Variants in SCLT1 observed in about 807,000 individuals in gnomAD.
SCLT1 encodes sodium channel-associated protein 1.
Under a neutral mutation model 112.8 loss-of-function variants are expected in SCLT1, and 78 were observed. The ratio of observed to expected loss-of-function variants is 0.69; its 90% CI spans 0.58 to 0.83. The LOEUF (loss-of-function observed/expected upper bound fraction) is 0.83. SCLT1 is among the 40% of genes least tolerant of loss of function. The pLI is 0.00. For synonymous variants in SCLT1, 257 were observed against 254.7 expected (o/e 1.01, Z -0.09); for missense variants, 747 against 770.4 (o/e 0.97, Z 0.36).
At chr4:128,887,772 T>C (rs1160780950) in intron 20 of SCLT1, among the ~76,000 whole-genome samples, 1 of 152,198 alleles carries the variant, frequency 6.6e-6, no homozygotes, top group Non-Finnish European at 1.5e-5. Context: ...TCTACTCTAT[T>C]TCCCACTGGA....
Position 129,006,469 on chromosome 4 carries a change from C to T in SCLT1, c.291-2593G>A, listed in dbSNP as rs555812080. Among the ~76,000 whole-genome samples the T allele has an allele frequency of 6.1e-5, 9 of 147,574 alleles. No homozygotes were observed. The Admixed American group carries it at 6.2e-4, about 10-fold the overall frequency. On this transcript the variant is annotated intron_variant, in intron 5 of 20. Transcript: ENST00000281142. ...AGAAGAATTGCTTGAACCCAGGAGG[C>T]GGAGGTTGCAGTGAGTCAAGATCAA... is the stretch of plus-strand genomic sequence containing the variant.
intron 5 of SCLT1, among the ~76,000 whole-genome samples, chr4:129,006,007 G>T (rs1207239336): frequency 8.2e-6 from 1 of 122,574 alleles, no homozygotes; most frequent in Non-Finnish European, 1.7e-5. Context: ...CACACTCTGG[G>T]GACTGTTGTG....
At chr4:128,915,864 C>T (rs1263667618) in intron 18 of SCLT1, among the ~76,000 whole-genome samples, 1 of 152,150 alleles carries the variant, frequency 6.6e-6, no homozygotes, top group African/African-American at 2.4e-5. Flanking sequence ...TGTTTTAAAA[C>T]ATGTAATGAA....
At chr4:129,011,393 C>T (rs1744507138) in intron 5 of SCLT1, among the ~76,000 whole-genome samples, 1 of 151,862 alleles carries the variant, frequency 6.6e-6, no homozygotes, top group South Asian at 2.1e-4. Context: ...TTTGTTGTAT[C>T]TTTGTTAGGT....
chr4:129,014,485 TTC>T (rs887014718), intron 5 of SCLT1, among the ~76,000 whole-genome samples: 1 of 152,200 alleles, frequency 6.6e-6, no homozygotes, highest in African/African-American at 2.4e-5. Context: ...GAGGCTTTTG[TTC>T]TCTTTTATCC....
chr4:128,929,884 A>C lies in SCLT1; in HGVS notation c.1829+6771T>G, dbSNP rs138643507. ...CAAAATACCATAAACTGGATGGTTA[A>C]AAAGAGAAATCTATTTCTCACTGTT... On this transcript the variant is annotated intron_variant, in intron 18 of 20. Coordinates refer to ENST00000281142, the MANE Select transcript of SCLT1 (RefSeq NM_144643.4). 1.2e-4 allele frequency among the ~76,000 whole-genome samples: 18 copies of C among 152,346 alleles called. No individual in the cohort carries two copies. In the East Asian group the frequency reaches 3.3e-3, roughly 28 times the overall value.
At chr4:128,968,802 G>C (rs189701319) in intron 10 of SCLT1, among the ~76,000 whole-genome samples, 172 of 152,306 alleles carry the variant, frequency 1.1e-3, no homozygotes, top group African/African-American at 3.8e-3. Flanking sequence ...GCTGATATCT[G>C]TAATTAGTTC....
intron 5 of SCLT1, among the ~76,000 whole-genome samples, chr4:129,027,209 G>C (rs1381010180): frequency 6.6e-6 from 1 of 152,152 alleles, no homozygotes; most frequent in Non-Finnish European, 1.5e-5. Context: ...TATGAGGCCA[G>C]CATCATCCTG....
At chr4:128,887,876 A>C (rs1158029332) in intron 20 of SCLT1, among the ~76,000 whole-genome samples, 1 of 152,206 alleles carries the variant, frequency 6.6e-6, no homozygotes, top group African/African-American at 2.4e-5. Context: ...TTCCACTGAT[A>C]AGTAAAATAA....
chr4:129,012,742 T>C (rs374876042), intron 5 of SCLT1, among the ~76,000 whole-genome samples: 5 of 152,266 alleles, frequency 3.3e-5, no homozygotes, highest in African/African-American at 1.2e-4. Context: ...TTAGATCTTC[T>C]TGTTGAATTG....
intron 5 of SCLT1, among the ~76,000 whole-genome samples, chr4:129,028,618 C>G (rs1177852084): frequency 1.3e-5 from 2 of 152,126 alleles, no homozygotes; most frequent in African/African-American, 4.8e-5. Context: ...TAGGTATGGG[C>G]AAGGACTTCA....
intron 18 of SCLT1, among the ~76,000 whole-genome samples, chr4:128,911,245 A>G (rs1735074675): frequency 6.6e-6 from 1 of 152,198 alleles, no homozygotes; most frequent in South Asian, 2.1e-4. Flanking sequence ...TAGCCTGGGC[A>G]ATAAGAATGA....
intron 9 of SCLT1, among the ~76,000 whole-genome samples, chr4:128,979,773 A>C (rs1448934634): frequency 6.6e-6 from 1 of 152,212 alleles, no homozygotes; most frequent in African/African-American, 2.4e-5. Context: ...GAAAGAAAAC[A>C]GTCATCTACT....
At chr4:129,033,211 A>C (rs1406300094) in intron 5 of SCLT1, among the ~76,000 whole-genome samples, 1 of 152,112 alleles carries the variant, frequency 6.6e-6, no homozygotes, top group Non-Finnish European at 1.5e-5. Flanking sequence ...TGAAGCTGGA[A>C]GCCACCATTC....
At chr4:129,023,561 A>C (rs1745690142) in intron 5 of SCLT1, among the ~76,000 whole-genome samples, 1 of 152,238 alleles carries the variant, frequency 6.6e-6, no homozygotes, top group Non-Finnish European at 1.5e-5. Context: ...GGTGGAGCCA[A>C]GATGGCCGAA....
At chr4:128,985,948 A>G (rs1742054399) in intron 9 of SCLT1, among the ~76,000 whole-genome samples, 1 of 152,200 alleles carries the variant, frequency 6.6e-6, no homozygotes, top group Admixed American at 6.5e-5. Context: ...GAACTCTCCA[A>G]CAACCATTCC....
intron 2 of SCLT1, among the ~76,000 whole-genome samples, chr4:129,071,725 A>G (rs11723520): frequency 0.088 from 13,433 of 152,098 alleles, 760 homozygotes; most frequent in South Asian, 0.15. Flanking sequence ...GGCAGCAGAT[A>G]GTTGGTTGGT....
chr4:129,071,340 C>T (rs1750984901), intron 2 of SCLT1, among the ~76,000 whole-genome samples: 1 of 152,120 alleles, frequency 6.6e-6, no homozygotes, highest in Non-Finnish European at 1.5e-5. Flanking sequence ...TGTTGACTTT[C>T]AGTCTTGATG....
At chr4:128,898,656 C>T (rs898148547) in intron 18 of SCLT1, among the ~76,000 whole-genome samples, 4 of 152,002 alleles carry the variant, frequency 2.6e-5, no homozygotes, top group Non-Finnish European at 5.9e-5. Flanking sequence ...TAGCAGATGG[C>T]AAGAAATAAC....
Sources: gnomAD v4.1 joint callset for allele counts (sites outside exome capture counted in the v4.1 genomes callset) on GRCh38, gnomAD v4.1.1 for gene constraint, MANE v1.5 for transcripts, NCBI Gene and HGNC (gene_info 2026-07-23, HGNC 2026-07-21) for gene names.